The following CASK variants were observed in gnomAD, a reference collection of about 807,000 sequenced individuals.
CASK encodes the protein peripheral plasma membrane protein CASK.
Under a neutral mutation model 82.9 loss-of-function variants are expected in CASK, and 4 were observed. That is an observed-to-expected ratio of 0.05 (90% confidence interval 0.02 to 0.11). The LOEUF is 0.11. Among genes scored for constraint, CASK ranks in the 10% least tolerant of loss-of-function variants. CASK has a pLI of 1.00. For synonymous variants in CASK, 259 were observed against 253.5 expected (o/e 1.02, Z -0.20); for missense variants, 358 against 720.9 (o/e 0.50, Z 5.76).
intron 3 of CASK, among the ~76,000 whole-genome samples, chrX:41,773,688 C>T (rs1179978702): frequency 8.9e-6 from 1 of 111,969 alleles, no homozygotes; most frequent in Non-Finnish European, 1.9e-5. Context: ...CACACCTAGG[C>T]TACAAACCTA....
At chrX:41,536,404 G>A (rs1462797243) in intron 22 of CASK, among the ~76,000 whole-genome samples, 1 of 110,812 alleles carries the variant, frequency 9.0e-6, no homozygotes, top group Non-Finnish European at 1.9e-5. Flanking sequence ...CATCGTGCCC[G>A]GCCGAAATCT....
chrX:41,787,966 G>C (rs1251267118), intron 2 of CASK, among the ~76,000 whole-genome samples: 3 of 110,051 alleles, frequency 2.7e-5, no homozygotes, highest in African/African-American at 9.9e-5. Context: ...GACAAGCCTG[G>C]CCAACATGGC....
chrX:41,843,302 C>T (rs1391271719), intron 2 of CASK, among the ~76,000 whole-genome samples: 2 of 111,350 alleles, frequency 1.8e-5, no homozygotes, highest in Non-Finnish European at 3.8e-5. Context: ...TTTGGTTTTT[C>T]CTAGATGTCT....
At chrX:41,673,589 TG>T (rs2067223752) in intron 5 of CASK, among the ~76,000 whole-genome samples, 1 of 111,237 alleles carries the variant, frequency 9.0e-6, no homozygotes, top group South Asian at 3.8e-4. Context: ...GCCTCTCTAA[TG>T]GGTAATATCT....
At chrX:41,812,359 G>A (rs1263279096) in intron 2 of CASK, among the ~76,000 whole-genome samples, 1 of 111,419 alleles carries the variant, frequency 9.0e-6, no homozygotes, top group Admixed American at 9.5e-5. Context: ...CTGGCAAACC[G>A]AATCCAGCAG....
At chrX:41,598,331 A>C (rs1001393135) in intron 12 of CASK, among the ~76,000 whole-genome samples, 1 of 111,484 alleles carries the variant, frequency 9.0e-6, no homozygotes, top group African/African-American at 3.3e-5. Context: ...AGCTACAATT[A>C]AACACTAGGA....
rs2069260782 is a variant in CASK, at chrX:41,772,362, A to G, written c.278+14816T>C. 4.7e-5 allele frequency among the ~76,000 whole-genome samples: 5 copies of G among 106,903 alleles called. No homozygotes were observed. In the South Asian group the frequency reaches 2.0e-3, roughly 44 times the overall value. The allele number at this position is 106,903 out of a possible 115,157, so 92.8% of individuals were successfully genotyped here. Reference sequence around the variant, plus strand: ...CTCTGTCTCAAAAAAAAAAAAAAAAAAAAAAAAAAGAATTACAAAGCTACA... The same window carrying G: ...CTCTGTCTCAAAAAAAAAAAAAAAAGAAAAAAAAAGAATTACAAAGCTACA... On this transcript the variant is annotated intron_variant, in intron 3 of 26. Transcript: ENST00000378163.
chrX:41,600,881 T>C (rs1168804284), intron 12 of CASK, among the ~76,000 whole-genome samples: 1 of 111,887 alleles, frequency 8.9e-6, no homozygotes, highest in Non-Finnish European at 1.9e-5. Context: ...ACAAACAAAA[T>C]GTACTATACA....
intron 5 of CASK, among the ~76,000 whole-genome samples, chrX:41,706,960 C>T (rs758062074): frequency 2.2e-4 from 25 of 112,303 alleles, no homozygotes; most frequent in Admixed American, 1.6e-3. Context: ...CAGGAAACTA[C>T]GAACTCTGAG....
intron 1 of CASK, among the ~76,000 whole-genome samples, chrX:41,874,533 G>A (rs1006308174): frequency 8.0e-5 from 9 of 112,062 alleles, no homozygotes; most frequent in Non-Finnish European, 1.5e-4. Flanking sequence ...ATTCTATGGT[G>A]TATATGTACT....
chrX:41,886,390 G>C (rs1387534748), intron 1 of CASK, among the ~76,000 whole-genome samples: 3 of 111,598 alleles, frequency 2.7e-5, no homozygotes, highest in African/African-American at 9.7e-5. Flanking sequence ...ACTTAAAGAA[G>C]CTTGGAAACT....
In CASK at chrX:41,625,942, C is replaced by CTT. The variant is rs748063155; in HGVS notation, c.1015+660_1015+661dup. 1.7e-3 allele frequency among the ~76,000 whole-genome samples: 70 copies of CTT among 40,348 alleles called. 1 individual carries two copies. The highest frequency in any genetic ancestry group is 2.3e-3 in the Non-Finnish European group (48 of 20,550). 35.0% of individuals were successfully genotyped at this position (40,348 alleles called of 115,157 possible). A position where few individuals can be genotyped will look rare whatever the true frequency, so the allele number is the denominator to read the frequency against. On this transcript the variant is annotated intron_variant, in intron 10 of 26. Coordinates refer to ENST00000378163, the MANE Select transcript of CASK (RefSeq NM_001367721.1). ...TACAGGCGCAGGCCAGCACGCCTGG[C>CTT]TTTTTTTTTTTTTTTTTTTTTTTTT... is the stretch of plus-strand genomic sequence containing the variant.
rs146679909 is a variant in CASK, at chrX:41,917,012, T to C, written c.59+5918A>G. On this transcript the variant is annotated intron_variant, in intron 1 of 26. Transcript: ENST00000378163. The stretch of plus-strand genomic sequence containing the variant: ...AAGACAAAAATAAAAAAGAAACAGA[T>C]GAAAGAATGAATAGTATATGGAACC... 7.3e-3 allele frequency among the ~76,000 whole-genome samples: 813 copies of C among 111,803 alleles called. 9 individuals are homozygous for C. The highest frequency in any genetic ancestry group is 0.025 in the African/African-American group (777 of 30,751).
intron 2 of CASK, among the ~76,000 whole-genome samples, chrX:41,812,421 C>G (rs2070310070): frequency 9.0e-6 from 1 of 111,520 alleles, no homozygotes; most frequent in Non-Finnish European, 1.9e-5. Context: ...CCCTGGGATG[C>G]AAGGCTGGTT....
chrX:41,857,477 G>A (rs2071393678), intron 1 of CASK, among the ~76,000 whole-genome samples: 1 of 111,360 alleles, frequency 9.0e-6, no homozygotes, highest in African/African-American at 3.3e-5. Flanking sequence ...AACAAAAAGA[G>A]CAACTTAGAG....
intron 16 of CASK, among the ~76,000 whole-genome samples, chrX:41,568,858 C>T (rs771727153): frequency 9.0e-6 from 1 of 111,422 alleles, no homozygotes; most frequent in Non-Finnish European, 1.9e-5. Flanking sequence ...GTTAGCCAGG[C>T]ATGGTGGTGT....
chrX:41,767,346 G>A (rs1213946172), intron 3 of CASK, among the ~76,000 whole-genome samples: 1 of 111,758 alleles, frequency 8.9e-6, no homozygotes, highest in African/African-American at 3.2e-5. Flanking sequence ...TTTAGTACAC[G>A]TGAGGTTCCA....
intron 3 of CASK, among the ~76,000 whole-genome samples, chrX:41,784,851 G>A (rs1308513861): frequency 2.7e-5 from 3 of 110,038 alleles, no homozygotes; most frequent in Non-Finnish European, 5.7e-5. Flanking sequence ...ACTCCAGCCT[G>A]GGTGACAGAG....
chrX:41,903,229 G>A lies in CASK; in HGVS notation c.59+19701C>T, dbSNP rs150294643. ...AAGAGAGATGTGCACCACACTTTCAGGTAAGTGGGGCCAGTAAATGTGTGC... is the reference window on the plus strand; with the variant it reads ...AAGAGAGATGTGCACCACACTTTCAAGTAAGTGGGGCCAGTAAATGTGTGC... On this transcript the variant is annotated intron_variant, in intron 1 of 26. Transcript: ENST00000378163. Among the ~76,000 whole-genome samples, 454 of 112,528 alleles carry A rather than the reference G, an allele frequency of 4.0e-3. 3 individuals carry two copies. Among genetic ancestry groups the A allele is most frequent in the Middle Eastern group, 0.014 (3 of 218 alleles).
Sources: gnomAD v4.1 joint callset for allele counts (sites outside exome capture counted in the v4.1 genomes callset) on GRCh38, gnomAD v4.1.1 for gene constraint, MANE v1.5 for transcripts, NCBI Gene and HGNC (gene_info 2026-07-23, HGNC 2026-07-21) for gene names.